ATE1: variants seen among roughly 807,000 people sequenced by gnomAD.
ATE1 encodes arginyltransferase 1.
Under a neutral mutation model 70.5 loss-of-function variants are expected in ATE1, and 36 were observed. The ratio of observed to expected loss-of-function variants is 0.51; its 90% CI spans 0.39 to 0.67. The LOEUF is 0.67. Ranked by LOEUF, ATE1 falls within the 30% of genes least tolerant of loss-of-function variation. The pLI is 0.00. For synonymous variants in ATE1, 232 were observed against 219.3 expected (o/e 1.06, Z -0.51); for missense variants, 593 against 629.5 (o/e 0.94, Z 0.62).
intron 11 of ATE1, among the ~76,000 whole-genome samples, chr10:121,760,134 T>C (rs1009127963): frequency 5.9e-5 from 9 of 152,260 alleles, no homozygotes; most frequent in South Asian, 4.1e-4. Flanking sequence ...TCACTGGCAA[T>C]GTGCCTGGTT....
chr10:121,855,358 A>T (rs1033346846), intron 8 of ATE1, among the ~76,000 whole-genome samples: 1 of 152,216 alleles, frequency 6.6e-6, no homozygotes, highest in Non-Finnish European at 1.5e-5. Flanking sequence ...TGGATGGATG[A>T]CAGAAACCTA....
intron 8 of ATE1, among the ~76,000 whole-genome samples, chr10:121,853,347 G>C (rs1224753725): frequency 1.8e-5 from 2 of 110,912 alleles, no homozygotes; most frequent in Admixed American, 2.4e-4. Flanking sequence ...GGGGAACAAA[G>C]TTAGACTCTG....
rs1261096478 is a variant in ATE1, at chr10:121,903,097, G to GCC, written c.584-478_584-477insGG. Among the ~76,000 whole-genome samples the GCC allele has an allele frequency of 3.6e-3, 553 of 151,670 alleles. 2 individuals carry two copies. The highest frequency in any genetic ancestry group is 6.5e-3 in the Non-Finnish European group (441 of 67,814). ...GCCAGACTGGTCTCAAACTCCCTTG[G>GCC]ACAGACTGGTCTCAAACTCCTGACC... On this transcript the variant is annotated intron_variant, in intron 5 of 11. Transcript: ENST00000224652.
chr10:121,762,897 C>T (rs544215084), intron 11 of ATE1, among the ~76,000 whole-genome samples: 1 of 152,136 alleles, frequency 6.6e-6, no homozygotes, highest in Admixed American at 6.5e-5. Context: ...GAACTTAACT[C>T]TTGTTTATAT....
intron 1 of ATE1, chr10:121,927,164 C>G (rs895468954): frequency 1.2e-5 from 12 of 985,234 alleles, no homozygotes; most frequent in Non-Finnish European, 1.4e-5. Context: ...CCAAAGAAAT[C>G]TGAATCACGA....
At chr10:121,795,556 C>A (rs1449227744) in intron 10 of ATE1, among the ~76,000 whole-genome samples, 1 of 152,170 alleles carries the variant, frequency 6.6e-6, no homozygotes, top group Non-Finnish European at 1.5e-5. Flanking sequence ...TTATCTCACT[C>A]GAAGACCATA....
intron 10 of ATE1, among the ~76,000 whole-genome samples, chr10:121,824,814 C>T (rs1448392525): frequency 6.6e-6 from 1 of 151,936 alleles, no homozygotes; most frequent in Non-Finnish European, 1.5e-5. Flanking sequence ...TTAATTATGC[C>T]TAACAACATT....
chr10:121,753,912 G>A (rs1288423328), intron 11 of ATE1, among the ~76,000 whole-genome samples: 1 of 152,100 alleles, frequency 6.6e-6, no homozygotes, highest in Non-Finnish European at 1.5e-5. Context: ...GGCAGGACTG[G>A]GCCAATTCTG....
intron 11 of ATE1, among the ~76,000 whole-genome samples, chr10:121,744,343 T>C (rs2135643046): frequency 6.6e-6 from 1 of 152,142 alleles, no homozygotes; most frequent in African/African-American, 2.4e-5. Flanking sequence ...TTGAGTATGT[T>C]AGCAATTAAG....
At chr10:121,865,627 A>C in intron 8 of ATE1, among the ~76,000 whole-genome samples, 2 of 152,342 alleles carry the variant, frequency 1.3e-5, no homozygotes, top group South Asian at 2.1e-4. Flanking sequence ...AGGGGAGTAC[A>C]TATCAGCAGC....
At chr10:121,887,283 C>A (rs754180513) in intron 7 of ATE1, among the ~76,000 whole-genome samples, 2 of 152,176 alleles carry the variant, frequency 1.3e-5, no homozygotes, top group African/African-American at 4.8e-5. Context: ...CTTTCCTTTC[C>A]ACACTCATTG....
At chr10:121,870,529 T>A (rs1949817458) in intron 7 of ATE1, among the ~76,000 whole-genome samples, 1 of 152,014 alleles carries the variant, frequency 6.6e-6, no homozygotes, top group Non-Finnish European at 1.5e-5. Context: ...GAGAAGAAGG[T>A]GAGGTTTTAG....
intron 3 of ATE1, among the ~76,000 whole-genome samples, chr10:121,914,807 TA>T (rs1408575495): frequency 2.6e-5 from 4 of 152,088 alleles, no homozygotes; most frequent in African/African-American, 9.7e-5. Flanking sequence ...GAAAACGGCT[TA>T]AATAAAAGTG....
chr10:121,915,130 A>G (rs1951594567), intron 3 of ATE1, among the ~76,000 whole-genome samples: 1 of 152,250 alleles, frequency 6.6e-6, no homozygotes, highest in South Asian at 2.1e-4. Flanking sequence ...GACATAGACC[A>G]TGACAGAAAG....
At chr10:121,790,462 G>C (rs1254684828) in intron 10 of ATE1, among the ~76,000 whole-genome samples, 173 bp from the exon 11 acceptor site, 1 of 152,190 alleles carries the variant, frequency 6.6e-6, no homozygotes, top group African/African-American at 2.4e-5. Flanking sequence ...TCTCATGAAA[G>C]CACGTTTGAC....
chr10:121,879,701 T>C (rs969358113), intron 7 of ATE1, among the ~76,000 whole-genome samples: 2 of 152,184 alleles, frequency 1.3e-5, no homozygotes, highest in Non-Finnish European at 1.5e-5. Flanking sequence ...GGCTACTCTA[T>C]AGAATTAAGT....
At chr10:121,868,538 C>A (rs1949739217) in intron 8 of ATE1, among the ~76,000 whole-genome samples, 1 of 152,164 alleles carries the variant, frequency 6.6e-6, no homozygotes, top group Non-Finnish European at 1.5e-5. Flanking sequence ...TTTCACTTCA[C>A]ACCTAACTCT....
At chr10:121,781,970 A>G (rs1348470197) in intron 11 of ATE1, among the ~76,000 whole-genome samples, 2 of 152,234 alleles carry the variant, frequency 1.3e-5, no homozygotes, top group African/African-American at 4.8e-5. Context: ...GACATAAAAG[A>G]ACACTATAAA....
chr10:121,795,712 C>G (rs1312397406), intron 10 of ATE1, among the ~76,000 whole-genome samples: 1 of 152,126 alleles, frequency 6.6e-6, no homozygotes, highest in Non-Finnish European at 1.5e-5. Flanking sequence ...ATGAAATAAA[C>G]CACTTTGAAA....
Sources: gnomAD v4.1 joint callset for allele counts (sites outside exome capture counted in the v4.1 genomes callset) on GRCh38, gnomAD v4.1.1 for gene constraint, MANE v1.5 for transcripts, NCBI Gene and HGNC (gene_info 2026-07-23, HGNC 2026-07-21) for gene names.